GFI1: variants seen among roughly 807,000 people sequenced by gnomAD.
The protein encoded by GFI1 is zinc finger protein Gfi-1.
In GFI1, 15 loss-of-function variants were observed where a neutral mutation model predicts 39.2. That is an observed-to-expected ratio of 0.38 (90% CI 0.26 to 0.59). The LOEUF (loss-of-function observed/expected upper bound fraction) is 0.59, where lower values mean the gene tolerates loss of function less well. GFI1 is among the 20% of genes least tolerant of loss of function. The pLI is 0.62. For missense variants in GFI1, 475 were observed against 574.0 expected (o/e 0.83, Z 1.76); for synonymous variants, 239 against 254.3 (o/e 0.94, Z 0.57).
rs1485550769 is a variant in GFI1 at position 92,484,111 on chromosome 1, G to C, written c.-99-525C>G. On this transcript the variant is annotated intron_variant, in intron 1 of 6. Transcript: ENST00000294702. The surrounding 1 kb of genome is among the most constrained non-coding windows in gnomAD (Gnocchi z 4.1). ...GCTACCAACTGGAGTGAAAGGACCG[G>C]GGGGAGGGGGGAACAGAACACAAGA... is the stretch of plus-strand genomic sequence containing the variant. Among the ~76,000 whole-genome samples the C allele has an allele frequency of 6.6e-6, 1 of 152,234 alleles. No individual in the cohort carries two copies. The highest frequency in any genetic ancestry group is 1.9e-4 in the East Asian group (1 of 5,194).
Position 92,479,900 on chromosome 1 carries a change from G to A in GFI1, c.924+448C>T, listed in dbSNP as rs190052466. Among the ~76,000 whole-genome samples the A allele has an allele frequency of 4.6e-5, 7 of 152,114 alleles. No individual in the cohort carries two copies. In the South Asian group the frequency reaches 8.3e-4, roughly 18 times the overall value. On this transcript the variant is annotated intron_variant, in intron 5 of 6. Coordinates refer to ENST00000294702, the MANE Select transcript of GFI1 (RefSeq NM_005263.5). ...AAAAGAAAGGAAGGAAGGAAAGAAT[G>A]AATAGCGGGGTGAATATGCTACTAG...
chr1:92,473,851 G>A lies in GFI1; in HGVS notation c.*2178C>T, dbSNP rs940633057. 1.3e-5 allele frequency among the ~76,000 whole-genome samples: 2 copies of A among 152,180 alleles called. No homozygotes were observed. The highest frequency in any genetic ancestry group is 2.9e-5 in the Non-Finnish European group (2 of 68,036). ...CTACTGTGTGCCAGGCACTATTCTG[G>A]GAACTGAGGATTCAACAATGAATAA... On this transcript the variant is annotated 3_prime_UTR_variant, in exon 7 of 7. Transcript: ENST00000294702.
chr1:92,480,512 GCC>G lies in GFI1; in HGVS notation c.787-29_787-28del. The G allele has an allele frequency of 6.5e-7, 1 of 1,548,526 alleles. No homozygotes were observed. The highest frequency in any genetic ancestry group is 8.7e-7 in the Non-Finnish European group (1 of 1,145,960). On this transcript the variant is annotated intron_variant, in intron 4 of 6. Coordinates refer to ENST00000294702, the MANE Select transcript of GFI1 (RefSeq NM_005263.5). The surrounding 1 kb of genome is among the most constrained non-coding windows in gnomAD (Gnocchi z 5.6). ...TAAGGCGGGTGGGGCCAGAGAGAAGGCCGCTGAGAGGGGCCGCGGGGCGCAGG... is the reference window on the plus strand; with the variant it reads ...TAAGGCGGGTGGGGCCAGAGAGAAGGGCTGAGAGGGGCCGCGGGGCGCAGG...
At chr1:92,476,242 A>G (rs747660314) in intron 6 of GFI1, 35 bp from the exon 7 acceptor site, 2 of 1,582,400 alleles carry the variant, frequency 1.3e-6, no homozygotes, top group Non-Finnish European at 1.7e-6. Context: ...AGAAAGTATG[A>G]GTCTATGATA....
Position 92,475,889 on chromosome 1 carries a change from A to G in GFI1, c.*140T>C. 1 of 769,590 alleles carries G rather than the reference A, an allele frequency of 1.3e-6. No homozygotes were observed. The highest frequency in any genetic ancestry group is 2.2e-6 in the Non-Finnish European group (1 of 451,032). The allele number at this position is 769,590 out of a possible 1,614,324, so 47.7% of individuals were successfully genotyped here. On this transcript the variant is annotated 3_prime_UTR_variant, in exon 7 of 7. Coordinates refer to ENST00000294702, the MANE Select transcript of GFI1 (RefSeq NM_005263.5). ...CAGGAGGTAAGGCGAAGGAGGAGCA[A>G]CCTGGTAGGATCTGCAGACTGGACC...
rs1657936384 is a variant in GFI1 at position 92,475,856 on chromosome 1, G to A, written c.*173C>T. On this transcript the variant is annotated 3_prime_UTR_variant, in exon 7 of 7. Coordinates refer to ENST00000294702, the MANE Select transcript of GFI1 (RefSeq NM_005263.5). ...TTTGAAAAGGTACCTCATTTCTTCT[G>A]GCAGCTCCAGGAGGTAAGGCGAAGG... 1.6e-6 allele frequency: 1 copy of A among 641,162 alleles called. No individual in the cohort carries two copies. Among genetic ancestry groups the A allele is most frequent in the Admixed American group, 2.4e-5 (1 of 40,998 alleles). The allele number at this position is 641,162 out of a possible 1,614,324, so 39.7% of individuals were successfully genotyped here. A position where few individuals can be genotyped will look rare whatever the true frequency, so the allele number is the denominator to read the frequency against.
rs940633057 is a variant in GFI1, at chr1:92,473,851, G to T, written c.*2178C>A. Among the ~76,000 whole-genome samples, 1 of 152,180 alleles carries T rather than the reference G, an allele frequency of 6.6e-6. No individual in the cohort carries two copies. The highest frequency in any genetic ancestry group is 6.5e-5 in the Admixed American group (1 of 15,278). The stretch of plus-strand genomic sequence containing the variant: ...CTACTGTGTGCCAGGCACTATTCTG[G>T]GAACTGAGGATTCAACAATGAATAA... On this transcript the variant is annotated 3_prime_UTR_variant, in exon 7 of 7. Transcript: ENST00000294702.
chr1:92,478,570 A>G lies in GFI1; in HGVS notation c.1090+18T>C. 1 of 1,612,058 alleles carries G rather than the reference A, an allele frequency of 6.2e-7. No homozygotes were observed. ...GCCTCAGGGTGTTTCCTACAAGCCAAGGGCCTTTTTAGCTCACCAGTGTGG... is the reference window on the plus strand; with the variant it reads ...GCCTCAGGGTGTTTCCTACAAGCCAGGGGCCTTTTTAGCTCACCAGTGTGG... On this transcript the variant is annotated intron_variant, in intron 6 of 6. Coordinates refer to ENST00000294702, the MANE Select transcript of GFI1 (RefSeq NM_005263.5).
At position 92,480,515 on chromosome 1, in the gene GFI1, G is replaced by T; in HGVS notation, c.787-30C>A. Reference sequence around the variant, plus strand: ...GGCGGGTGGGGCCAGAGAGAAGGCCGCTGAGAGGGGCCGCGGGGCGCAGGC... The same window carrying T: ...GGCGGGTGGGGCCAGAGAGAAGGCCTCTGAGAGGGGCCGCGGGGCGCAGGC... On this transcript the variant is annotated intron_variant, in intron 4 of 6. Coordinates refer to ENST00000294702, the MANE Select transcript of GFI1 (RefSeq NM_005263.5). This position sits in a 1 kb window ranked among gnomAD's most constrained non-coding sequence, Gnocchi z 5.6. 1 of 1,548,224 alleles carries T rather than the reference G, an allele frequency of 6.5e-7. No homozygotes were observed. The highest frequency in any genetic ancestry group is 8.7e-7 in the Non-Finnish European group (1 of 1,145,914).
At position 92,473,740 on chromosome 1, in the gene GFI1, T is replaced by C. The variant is rs893024234; in HGVS notation, c.*2289A>G. Among the ~76,000 whole-genome samples, 5 of 152,182 alleles carry C rather than the reference T, an allele frequency of 3.3e-5. No individual in the cohort carries two copies. The highest frequency in any genetic ancestry group is 7.4e-5 in the Non-Finnish European group (5 of 68,020). On this transcript the variant is annotated 3_prime_UTR_variant, in exon 7 of 7. Coordinates refer to ENST00000294702, the MANE Select transcript of GFI1 (RefSeq NM_005263.5). ...AGCAATCTCTCTTCCCTTTGTGCTG[T>C]AGAGAGCAGAGCCAGGCCCTAGGAT... is the stretch of plus-strand genomic sequence containing the variant.
chr1:92,478,029 T>C (rs1314788569), intron 6 of GFI1, among the ~76,000 whole-genome samples: 2 of 151,912 alleles, frequency 1.3e-5, no homozygotes, highest in African/African-American at 4.8e-5. Context: ...GGAGAAGGAG[T>C]AGTCGCTACC....
chr1:92,484,240 A>G lies in GFI1; in HGVS notation c.-99-654T>C, dbSNP rs980193892. ...AAGGGACAGGAAAGTGAGGGGAACA[A>G]CAGACGACCAACCCCCGCCCCAGGA... On this transcript the variant is annotated intron_variant, in intron 1 of 6. Coordinates refer to ENST00000294702, the MANE Select transcript of GFI1 (RefSeq NM_005263.5). The surrounding 1 kb of genome is among the most constrained non-coding windows in gnomAD (Gnocchi z 4.1). Among the ~76,000 whole-genome samples, 1 of 152,108 alleles carries G rather than the reference A, an allele frequency of 6.6e-6. No individual in the cohort carries two copies. Among genetic ancestry groups the G allele is most frequent in the Non-Finnish European group, 1.5e-5 (1 of 67,992 alleles).
At chr1:92,479,558 A>G (rs1414299420) in intron 5 of GFI1, among the ~76,000 whole-genome samples, 1 of 152,208 alleles carries the variant, frequency 6.6e-6, no homozygotes, top group Non-Finnish European at 1.5e-5. Flanking sequence ...GAATGAATGA[A>G]TAAATAGCGG....
Position 92,473,451 on chromosome 1 carries a change from G to T in GFI1, c.*2578C>A, listed in dbSNP as rs564460208. Among the ~76,000 whole-genome samples, 1 of 152,262 alleles carries T rather than the reference G, an allele frequency of 6.6e-6. No individual in the cohort carries two copies. The highest frequency in any genetic ancestry group is 2.4e-5 in the African/African-American group (1 of 41,560). ...CATTCACTGGGAGGATTGTCTCCCA[G>T]GACACTAGGAAGTGGTTCCTGGACG... On this transcript the variant is annotated 3_prime_UTR_variant, in exon 7 of 7. Transcript: ENST00000294702.
At position 92,480,763 on chromosome 1, in the gene GFI1, G is replaced by T; in HGVS notation, c.624C>A (p.Ala208=). 1 of 1,600,604 alleles carries T rather than the reference G, an allele frequency of 6.2e-7. No individual in the cohort carries two copies. Among genetic ancestry groups the T allele is most frequent in the South Asian group, 1.1e-5 (1 of 89,870 alleles). The change falls in exon 4 of 7, where the codon GCC becomes GCA. Residue 208 remains alanine (A), a synonymous_variant. Transcript: ENST00000294702. The surrounding 1 kb of genome is among the most constrained non-coding windows in gnomAD (Gnocchi z 5.6). ...CTGCCGTGGGCCTCTCATACAGCCC[G>T]GCTGCCGCAGACCCGAAGTCGCCGT... ...GLYGDFGSAA[A]GLYERPTAAA...
At position 92,484,932 on chromosome 1, in the gene GFI1, C is replaced by T. The variant is rs1300459966; in HGVS notation, c.-99-1346G>A. Among the ~76,000 whole-genome samples, 1 of 152,206 alleles carries T rather than the reference C, an allele frequency of 6.6e-6. No individual in the cohort carries two copies. The highest frequency in any genetic ancestry group is 1.5e-5 in the Non-Finnish European group (1 of 68,028). On this transcript the variant is annotated intron_variant, in intron 1 of 6. Coordinates refer to ENST00000294702, the MANE Select transcript of GFI1 (RefSeq NM_005263.5). This position sits in a 1 kb window ranked among gnomAD's most constrained non-coding sequence, Gnocchi z 4.1. Reference sequence around the variant, plus strand: ...CAGTCCTCCGGCTTCGCGCTGTTTCCACTGCCGGACTAGGAGCCCCTCGGC... The same window carrying T: ...CAGTCCTCCGGCTTCGCGCTGTTTCTACTGCCGGACTAGGAGCCCCTCGGC...
chr1:92,478,645 A>G lies in GFI1; in HGVS notation c.1033T>C (p.Cys345Arg). 6.2e-7 allele frequency: 1 copy of G among 1,614,048 alleles called. No individual in the cohort carries two copies. The highest frequency in any genetic ancestry group is 8.5e-7 in the Non-Finnish European group (1 of 1,179,984). ...GACTTCTGGTGGAACCTCTTGCCAC[A>G]GTACTGACAGGGGTAGGGCCGAGTG... ...SDTRPYPCQY[C>R]GKRFHQKSDM... The change falls in exon 6 of 7, where the codon TGT becomes CGT. Residue 345 changes from cysteine to arginine, a missense_variant. By Grantham distance (180) the Cys-to-Arg change is radical. Around this residue, in one of 4 missense-constraint regions of GFI1, gnomAD observed 112 missense variants for 202.8 expected, o/e 0.55. Coordinates refer to ENST00000294702, the MANE Select transcript of GFI1 (RefSeq NM_005263.5).
Position 92,480,494 on chromosome 1 carries a change from G to A in GFI1, c.787-9C>T. ...TGCGGCGTGGAGAACACCTAAGGCG[G>A]GTGGGGCCAGAGAGAAGGCCGCTGA... On this transcript the variant is annotated splice_polypyrimidine_tract_variant and intron_variant, in intron 4 of 6. Transcript: ENST00000294702. The surrounding 1 kb of genome is among the most constrained non-coding windows in gnomAD (Gnocchi z 5.6). The A allele has an allele frequency of 1.3e-6, 2 of 1,549,570 alleles. No individual in the cohort carries two copies. The highest frequency in any genetic ancestry group is 1.7e-6 in the Non-Finnish European group (2 of 1,146,332).
chr1:92,477,545 G>T (rs1658029000), intron 6 of GFI1, among the ~76,000 whole-genome samples: 1 of 152,162 alleles, frequency 6.6e-6, no homozygotes, highest in African/African-American at 2.4e-5. Context: ...TTGACTATTA[G>T]AGTGTTCTTG....
Sources: allele counts gnomAD v4.1 joint callset (sites outside exome capture counted in the v4.1 genomes callset), GRCh38; gene constraint gnomAD v4.1.1; regional missense constraint gnomAD v4.1.1; non-coding constraint Gnocchi (gnomAD v3.1); transcripts MANE v1.5; gene names NCBI Gene and HGNC (gene_info 2026-07-23, HGNC 2026-07-21).